EML6: variants seen among roughly 807,000 people sequenced by gnomAD.
EML6 encodes echinoderm microtubule-associated protein-like 6.
In EML6, 154 loss-of-function variants were observed where a neutral mutation model predicts 240.1. That is an observed-to-expected ratio of 0.64 (90% CI 0.56 to 0.73). The LOEUF (loss-of-function observed/expected upper bound fraction) is 0.73, where lower values mean the gene tolerates loss of function less well. EML6 is among the 30% of genes least tolerant of loss of function. The pLI is 0.00. For synonymous variants in EML6, 1,148 were observed against 899.0 expected, an observed-to-expected ratio of 1.28 and a Z score of -4.95; for missense variants, 2,964 against 2,474.6, an observed-to-expected ratio of 1.20 and a Z score of -4.20.
intron 10 of EML6, 48 bp from the exon 11 acceptor site, chr2:54,853,595 A>C (rs1337717982): frequency 6.1e-6 from 7 of 1,149,298 alleles, no homozygotes; most frequent in Non-Finnish European, 8.3e-6. Flanking sequence ...AAAATAAATT[A>C]GAATAAACTT....
At position 54,895,003 on chromosome 2, in the gene EML6, C is replaced by T; in HGVS notation, c.2831C>T (p.Ser944Leu). ...TTGAAGACTTATGCCATTAAAAGAT[C>T]AGCATTGTCGACTAGCTCAAAAGGT... is the stretch of plus-strand genomic sequence containing the variant. ...RCLKTYAIKR[S>L]ALSTSSKGLL... is the part of the protein sequence containing the mutation. The change falls in exon 20 of 42, where the codon TCA becomes TTA. Residue 944 changes from serine (S) to leucine (L), a missense_variant. Coordinates refer to ENST00000356458, the MANE Select transcript of EML6 (RefSeq NM_001039753.4). The T allele has an allele frequency of 1.3e-6, 2 of 1,551,172 alleles. No individual in the cohort carries two copies. Among genetic ancestry groups the T allele is most frequent in the Non-Finnish European group, 1.7e-6 (2 of 1,146,454 alleles).
intron 15 of EML6, among the ~76,000 whole-genome samples, chr2:54,870,759 G>A: frequency 6.6e-6 from 1 of 152,240 alleles, no homozygotes; most frequent in African/African-American, 2.4e-5. Context: ...AGGTAAACCA[G>A]TGGCAAACAG....
chr2:54,806,160 T>C (rs1159922217), intron 2 of EML6, among the ~76,000 whole-genome samples: 2 of 152,182 alleles, frequency 1.3e-5, no homozygotes, highest in African/African-American at 2.4e-5. Flanking sequence ...TATATGTCTA[T>C]ATTTTAGATC....
At position 54,928,342 on chromosome 2, in the gene EML6, G is replaced by A; in HGVS notation, c.3705G>A (p.Val1235=). The change falls in exon 27 of 42, where the codon GTG becomes GTA. Residue 1235 remains valine (V), a synonymous_variant. Coordinates refer to ENST00000356458, the MANE Select transcript of EML6 (RefSeq NM_001039753.4). Reference sequence around the variant, plus strand: ...AGCACGCAAGATTCAAGAAGTATGTGGGGCACAGTGCACATGTCACTAACG... The same window carrying A: ...AGCACGCAAGATTCAAGAAGTATGTAGGGCACAGTGCACATGTCACTAACG... The part of the protein sequence containing the change: ...KGQHARFKKY[V]GHSAHVTNVR... 3.2e-6 allele frequency: 5 copies of A among 1,552,032 alleles called. No homozygotes were observed. The South Asian group carries it at 5.9e-5, about 18-fold the overall frequency.
rs548495042 is a variant in EML6, at chr2:54,804,492, G to A, written c.198-8740G>A. On this transcript the variant is annotated intron_variant, in intron 2 of 41. Coordinates refer to ENST00000356458, the MANE Select transcript of EML6 (RefSeq NM_001039753.4). ...CCATGCTGATCAAATTCTTTTATCA[G>A]TAGCAATTATACTGGTGAGAACCTC... Among the ~76,000 whole-genome samples, 150 of 152,310 alleles carry A rather than the reference G, an allele frequency of 9.8e-4. 1 individual carries two copies. The highest frequency in any genetic ancestry group is 3.5e-3 in the African/African-American group (144 of 41,562).
At position 54,907,271 on chromosome 2, in the gene EML6, GA is replaced by G. The variant is rs1328287666; in HGVS notation, c.3410-3682del. 4.6e-5 allele frequency among the ~76,000 whole-genome samples: 7 copies of G among 152,310 alleles called. No homozygotes were observed. The East Asian group carries it at 1.4e-3, about 29-fold the overall frequency. On this transcript the variant is annotated intron_variant, in intron 24 of 41. Transcript: ENST00000356458. Reference sequence around the variant, plus strand: ...CACACCTGTATTCTCAGCACTTTGGGAGGCTGAGGTGGGTGACCTGAGGTGA... The same window carrying G: ...CACACCTGTATTCTCAGCACTTTGGGGGCTGAGGTGGGTGACCTGAGGTGA...
intron 2 of EML6, among the ~76,000 whole-genome samples, chr2:54,798,355 A>G (rs574912475): frequency 6.6e-6 from 1 of 152,114 alleles, no homozygotes; most frequent in Non-Finnish European, 1.5e-5. Flanking sequence ...TTGTATCTTT[A>G]GTAGAGATGG....
intron 17 of EML6, among the ~76,000 whole-genome samples, chr2:54,883,667 C>T (rs568762258): frequency 2.6e-4 from 39 of 152,132 alleles, no homozygotes; most frequent in Non-Finnish European, 4.6e-4. Context: ...TTCTTATTCT[C>T]GCCATCTAAG....
intron 16 of EML6, among the ~76,000 whole-genome samples, chr2:54,876,330 G>A (rs1010175688): frequency 2.6e-5 from 4 of 152,166 alleles, no homozygotes; most frequent in African/African-American, 4.8e-5. Flanking sequence ...ACTCGGGGAA[G>A]TCACCATCCC....
At chr2:54,850,578 G>A (rs1261003476) in intron 10 of EML6, among the ~76,000 whole-genome samples, 1 of 150,322 alleles carries the variant, frequency 6.7e-6, no homozygotes, top group Non-Finnish European at 1.5e-5. Context: ...TAAGAGCAAG[G>A]AAAAAAAAAC....
intron 24 of EML6, among the ~76,000 whole-genome samples, chr2:54,906,772 C>G (rs1008717515): frequency 6.6e-6 from 1 of 152,178 alleles, no homozygotes; most frequent in Admixed American, 6.5e-5. Context: ...CCTGATATTC[C>G]TGCATTCCCA....
At chr2:54,881,930 G>T (rs567509389) in intron 17 of EML6, 1 of 152,270 alleles carries the variant, frequency 6.6e-6, no homozygotes, top group African/African-American at 2.4e-5. Context: ...CAGGAAGTGA[G>T]ATTTCTCCAC....
intron 29 of EML6, among the ~76,000 whole-genome samples, chr2:54,950,103 A>G (rs1488641462): frequency 6.6e-6 from 1 of 152,174 alleles, no homozygotes; most frequent in Non-Finnish European, 1.5e-5. Flanking sequence ...AAGACAAGAC[A>G]GGAAGATGAG....
chr2:54,851,441 A>G (rs1476061179), intron 10 of EML6, among the ~76,000 whole-genome samples: 1 of 152,156 alleles, frequency 6.6e-6, no homozygotes, highest in East Asian at 1.9e-4. Flanking sequence ...ATAAATTTAG[A>G]AAAAAAGCCC....
chr2:54,862,453 G>A (rs1217732044), intron 12 of EML6, among the ~76,000 whole-genome samples: 2 of 149,812 alleles, frequency 1.3e-5, no homozygotes, highest in African/African-American at 4.9e-5. Context: ...AAGGAACAGT[G>A]AACTTGGAAA....
chr2:54,889,520 C>A (rs146933999), intron 17 of EML6, among the ~76,000 whole-genome samples: 2 of 145,368 alleles, frequency 1.4e-5, no homozygotes, highest in East Asian at 3.9e-4. Context: ...ACATGTATCT[C>A]GTTGAGTTTA....
At chr2:54,823,778 G>A (rs994995563) in intron 5 of EML6, among the ~76,000 whole-genome samples, 1 of 151,504 alleles carries the variant, frequency 6.6e-6, no homozygotes, top group Non-Finnish European at 1.5e-5. Context: ...TTTGATTTGT[G>A]ATTGTTTCCC....
intron 9 of EML6, among the ~76,000 whole-genome samples, chr2:54,847,834 C>T (rs911605665): frequency 1.7e-4 from 26 of 152,112 alleles, no homozygotes; most frequent in Non-Finnish European, 3.4e-4. Flanking sequence ...CACAGTCTAA[C>T]CCAACAGACT....
Position 54,892,469 on chromosome 2 carries a change from C to G in EML6, c.2555C>G (p.Ser852Cys). The stretch of plus-strand genomic sequence containing the variant: ...TCCACTCTAGGTGGGGGCTTCACTT[C>G]TAAAAGAGGAACTTTTGGAAGCGTT... ...FWQQAGGGFT[S>C]KRGTFGSVGK... Residue 852 changes from serine (S) to cysteine (C), a missense_variant, in exon 19 of 42, where the codon TCT becomes TGT. Transcript: ENST00000356458. 6.4e-7 allele frequency: 1 copy of G among 1,551,208 alleles called. No individual in the cohort carries two copies. The highest frequency in any genetic ancestry group is 1.2e-5 in the South Asian group (1 of 84,036).
Sources: allele counts gnomAD v4.1 joint callset (sites outside exome capture counted in the v4.1 genomes callset), GRCh38; gene constraint gnomAD v4.1.1; transcripts MANE v1.5; gene names NCBI Gene and HGNC (gene_info 2026-07-23, HGNC 2026-07-21).